PRR16: variants seen among roughly 807,000 people sequenced by gnomAD.
PRR16 encodes the protein protein Largen.
A neutral mutation model predicts 18.2 loss-of-function variants in PRR16; 6 were observed. That is an observed-to-expected ratio of 0.33 (90% CI 0.18 to 0.65). The LOEUF is 0.65. PRR16 is among the 30% of genes least tolerant of loss of function. The pLI is 0.74. For missense variants in PRR16, 412 were observed against 376.6 expected (o/e 1.09, Z -0.78); for synonymous variants, 151 against 147.8 (o/e 1.02, Z -0.16).
intron 1 of PRR16, among the ~76,000 whole-genome samples, chr5:120,470,489 T>G (rs1749233325): frequency 6.6e-6 from 1 of 152,158 alleles, no homozygotes. Flanking sequence ...AAGTTATAAA[T>G]TATAAGCAAT....
At chr5:120,575,062 A>G in intron 1 of PRR16, among the ~76,000 whole-genome samples, 1 of 136,674 alleles carries the variant, frequency 7.3e-6, no homozygotes, top group East Asian at 1.9e-4. Context: ...TAGCCTTTTA[A>G]TTATTACTTA....
the PRR16 span, among the ~76,000 whole-genome samples, chr5:120,750,521 G>T: frequency 6.6e-6 from 1 of 151,792 alleles, no homozygotes; most frequent in Non-Finnish European, 1.5e-5. Context: ...ACAAAAATTA[G>T]CCCAGTGTGG....
chr5:120,759,329 C>A, the PRR16 span, among the ~76,000 whole-genome samples: 1 of 152,020 alleles, frequency 6.6e-6, no homozygotes, highest in Non-Finnish European at 1.5e-5. Flanking sequence ...ATTCATATCA[C>A]CCCAATAATT....
At chr5:120,791,709 G>A in the PRR16 span, among the ~76,000 whole-genome samples, 8,244 of 151,400 alleles carry the variant, frequency 0.054, 507 homozygotes, top group African/African-American at 0.15. Context: ...AGCAAAAATG[G>A]AACTCAATCA....
the PRR16 span, among the ~76,000 whole-genome samples, chr5:120,727,666 ACT>A: frequency 6.6e-6 from 1 of 151,876 alleles, no homozygotes; most frequent in African/African-American, 2.4e-5. Context: ...TGGTTTTGAA[ACT>A]CTTTATTGTT....
chr5:120,725,546 A>T, the PRR16 span, among the ~76,000 whole-genome samples: 8 of 151,928 alleles, frequency 5.3e-5, no homozygotes. Context: ...GCATGGTGTC[A>T]TGTGCCTTTA....
chr5:120,501,912 C>T (rs1361159851), intron 1 of PRR16, among the ~76,000 whole-genome samples: 3 of 141,750 alleles, frequency 2.1e-5, no homozygotes, highest in Non-Finnish European at 4.5e-5. Context: ...GCCGAGATCG[C>T]GCCACTGCAC....
At chr5:120,759,719 CATA>C in the PRR16 span, among the ~76,000 whole-genome samples, 1 of 151,888 alleles carries the variant, frequency 6.6e-6, no homozygotes, top group South Asian at 2.1e-4. Flanking sequence ...CAAAGGAATT[CATA>C]ATAACAGAAT....
intron 1 of PRR16, among the ~76,000 whole-genome samples, chr5:120,472,509 C>G (rs907389229): frequency 1.3e-5 from 2 of 151,878 alleles, no homozygotes; most frequent in Admixed American, 6.6e-5. Context: ...AAAGCTCACA[C>G]AAACGTGGTT....
the PRR16 span, among the ~76,000 whole-genome samples, chr5:120,726,181 A>G: frequency 6.6e-6 from 1 of 152,128 alleles, no homozygotes; most frequent in Non-Finnish European, 1.5e-5. Flanking sequence ...TTGAAAATAT[A>G]AGGAAAGTTG....
Position 120,658,905 on chromosome 5 carries a change from A to ATC in PRR16, c.160-27040_160-27039dup, listed in dbSNP as rs1040631914. The stretch of plus-strand genomic sequence containing the variant: ...TATTTCCTTCTTTTTTTATTTCTTC[A>ATC]TCTCTCTCTCCCTCCTGCCCTCCCC... On this transcript the variant is annotated intron_variant, in intron 1 of 1. Coordinates refer to ENST00000407149, the MANE Select transcript of PRR16 (RefSeq NM_001300783.2). 4.6e-5 allele frequency among the ~76,000 whole-genome samples: 7 copies of ATC among 151,548 alleles called. No homozygotes were observed. The East Asian group carries it at 9.7e-4, about 21-fold the overall frequency.
chr5:120,547,048 T>C (rs1459152589), intron 1 of PRR16, among the ~76,000 whole-genome samples: 2 of 152,088 alleles, frequency 1.3e-5, no homozygotes, highest in East Asian at 3.9e-4. Context: ...GATGTTGCTA[T>C]GGTGCATTGC....
chr5:120,514,339 A>G (rs552842607), intron 1 of PRR16, among the ~76,000 whole-genome samples: 56 of 152,198 alleles, frequency 3.7e-4, no homozygotes, highest in African/African-American at 1.2e-3. Flanking sequence ...TACCATCCAT[A>G]TTAATCTCCT....
chr5:120,535,610 G>A (rs1362563531), intron 1 of PRR16, among the ~76,000 whole-genome samples: 1 of 152,034 alleles, frequency 6.6e-6, no homozygotes, highest in Admixed American at 6.6e-5. Context: ...AATCAGCCTG[G>A]CCAACATGGT....
At chr5:120,762,332 A>T in the PRR16 span, among the ~76,000 whole-genome samples, 1 of 152,130 alleles carries the variant, frequency 6.6e-6, no homozygotes, top group Non-Finnish European at 1.5e-5. Flanking sequence ...CATTCCTAAC[A>T]GTAGTATGTA....
At chr5:120,698,065 TAAAAC>T in the PRR16 span, among the ~76,000 whole-genome samples, 1 of 152,058 alleles carries the variant, frequency 6.6e-6, no homozygotes, top group African/African-American at 2.4e-5. Flanking sequence ...ATAAGAAAAA[TAAAAC>T]AAAATAGTGT....
At chr5:120,503,060 A>G (rs1190357613) in intron 1 of PRR16, among the ~76,000 whole-genome samples, 2 of 152,228 alleles carry the variant, frequency 1.3e-5, no homozygotes, top group Non-Finnish European at 2.9e-5. Context: ...TAAAAAAGAT[A>G]ATTGTTACAA....
chr5:120,621,707 CT>C (rs1754694911), intron 1 of PRR16, among the ~76,000 whole-genome samples: 1 of 152,060 alleles, frequency 6.6e-6, no homozygotes, highest in Admixed American at 6.6e-5. Flanking sequence ...GCTCTTCCTA[CT>C]TTGTACTTTG....
the PRR16 span, among the ~76,000 whole-genome samples, chr5:120,754,193 A>C: frequency 9.6e-6 from 1 of 103,960 alleles, no homozygotes. Context: ...ATAATATATA[A>C]TTATATATTA....
Sources: allele counts gnomAD v4.1 joint callset (sites outside exome capture counted in the v4.1 genomes callset), GRCh38; gene constraint gnomAD v4.1.1; transcripts MANE v1.5; gene names NCBI Gene and HGNC (gene_info 2026-07-23, HGNC 2026-07-21).